Variants in GRIK2 observed in about 807,000 individuals in gnomAD.
The protein encoded by GRIK2 is glutamate ionotropic receptor kainate type subunit 2, also known as glutamate receptor ionotropic, kainate 2.
A neutral mutation model predicts 100.3 loss-of-function variants in GRIK2; 32 were observed. That is an observed-to-expected ratio of 0.32 (90% CI 0.24 to 0.43). The LOEUF (loss-of-function observed/expected upper bound fraction) is 0.43. Among genes scored for constraint, GRIK2 ranks in the 20% least tolerant of loss-of-function variants. GRIK2 has a pLI of 1.00. For missense variants in GRIK2, 843 were observed against 1,114.9 expected (o/e 0.76, Z 3.47); for synonymous variants, 417 against 389.4 (o/e 1.07, Z -0.83).
In GRIK2 at chr6:101,907,316, T is replaced by C. The variant is rs576865971; in HGVS notation, c.1749-17285T>C. Among the ~76,000 whole-genome samples the C allele has an allele frequency of 4.6e-5, 7 of 151,816 alleles. No individual in the cohort carries two copies. In the South Asian group the frequency reaches 1.5e-3, roughly 31 times the overall value. Reference sequence around the variant, plus strand: ...AGACATTTAGGGAAACTTAATTGTGTGATTAAAAACGATAAAAGTGCATAC... The same window carrying C: ...AGACATTTAGGGAAACTTAATTGTGCGATTAAAAACGATAAAAGTGCATAC... On this transcript the variant is annotated intron_variant, in intron 12 of 16. Coordinates refer to ENST00000369134, the MANE Select transcript of GRIK2 (RefSeq NM_021956.5).
At chr6:101,641,820 AC>A (rs535905590) in intron 4 of GRIK2, among the ~76,000 whole-genome samples, 346 of 152,070 alleles carry the variant, frequency 2.3e-3, no homozygotes, top group Middle Eastern at 0.01. Flanking sequence ...CTACTGGCAA[AC>A]CAGAGATAAA....
chr6:102,066,612 A>G (rs1772029384), intron 16 of GRIK2, among the ~76,000 whole-genome samples: 1 of 151,460 alleles, frequency 6.6e-6, no homozygotes, highest in African/African-American at 2.4e-5. Flanking sequence ...GTACCAGAAC[A>G]AGGAGAAACA....
intron 4 of GRIK2, among the ~76,000 whole-genome samples, chr6:101,645,241 C>G (rs1005394469): frequency 2.0e-5 from 3 of 151,296 alleles, no homozygotes; most frequent in Admixed American, 1.3e-4. Context: ...ACCTCTTAAA[C>G]TATAGTGTTA....
In GRIK2 at chr6:101,646,066, GACTTTTCTCTCCCCAGTAAGCTT is replaced by G. The variant is rs569340511; in HGVS notation, c.541+19452_541+19474del. On this transcript the variant is annotated intron_variant, in intron 4 of 16. Coordinates refer to ENST00000369134, the MANE Select transcript of GRIK2 (RefSeq NM_021956.5). ...CTGTGACTGCCCATTCTTCTCATAAGACTTTTCTCTCCCCAGTAAGCTTACTTTTCTCTCCCCAGTAAGCTGTT... is the reference window on the plus strand; with the variant it reads ...CTGTGACTGCCCATTCTTCTCATAAGACTTTTCTCTCCCCAGTAAGCTGTT... Among the ~76,000 whole-genome samples the G allele has an allele frequency of 1.4e-3, 218 of 151,882 alleles. 1 individual carries two copies. The highest frequency in any genetic ancestry group is 4.4e-3 in the African/African-American group (184 of 41,460).
intron 7 of GRIK2, among the ~76,000 whole-genome samples, chr6:101,719,645 A>C (rs1774335435): frequency 6.6e-6 from 1 of 151,908 alleles, no homozygotes; most frequent in South Asian, 2.1e-4. Context: ...TTTTATTTGG[A>C]ATTTTTGTGT....
intron 7 of GRIK2, among the ~76,000 whole-genome samples, chr6:101,696,348 A>G (rs1022349075): frequency 6.6e-6 from 1 of 152,018 alleles, no homozygotes; most frequent in Middle Eastern, 3.4e-3. Context: ...TTTAATATAA[A>G]TATATACCTC....
chr6:101,890,033 T>C (rs1786939800), intron 12 of GRIK2, 170 bp downstream of exon 12: 3 of 596,928 alleles, frequency 5.0e-6, no homozygotes, highest in Non-Finnish European at 8.9e-6. Flanking sequence ...TGTACTGTCC[T>C]GTCTTTGTGG....
At chr6:101,911,922 A>G (rs1438742519) in intron 12 of GRIK2, among the ~76,000 whole-genome samples, 1 of 151,486 alleles carries the variant, frequency 6.6e-6, no homozygotes, top group Non-Finnish European at 1.5e-5. Context: ...TGCTTAAGTA[A>G]TTACCCTTGT....
chr6:101,767,398 T>A (rs113178093), intron 7 of GRIK2, among the ~76,000 whole-genome samples: 4 of 152,140 alleles, frequency 2.6e-5, no homozygotes, highest in African/African-American at 9.7e-5. Context: ...ATGATCTCTC[T>A]TTCTTTCTTT....
chr6:101,885,761 T>G (rs192282567), intron 11 of GRIK2, among the ~76,000 whole-genome samples: 1 of 152,238 alleles, frequency 6.6e-6, no homozygotes. Context: ...AATTTATTTT[T>G]TAGTGAAATT....
chr6:101,914,324 T>C (rs942072333), intron 12 of GRIK2, among the ~76,000 whole-genome samples: 2 of 151,418 alleles, frequency 1.3e-5, no homozygotes, highest in African/African-American at 4.8e-5. Flanking sequence ...ATCAATTTGA[T>C]ATTGGTCATG....
At chr6:101,649,400 A>T (rs550410142) in intron 4 of GRIK2, among the ~76,000 whole-genome samples, 1 of 152,182 alleles carries the variant, frequency 6.6e-6, no homozygotes, top group Admixed American at 6.6e-5. Flanking sequence ...CTCAATCTTA[A>T]GTCCATGCTT....
At chr6:101,705,325 G>T (rs1773192569) in intron 7 of GRIK2, among the ~76,000 whole-genome samples, 1 of 150,276 alleles carries the variant, frequency 6.7e-6, no homozygotes, top group South Asian at 2.1e-4. Flanking sequence ...TAGCCTATTT[G>T]GTAGTTCCTT....
intron 2 of GRIK2, among the ~76,000 whole-genome samples, chr6:101,536,297 A>G (rs1484517056): frequency 6.6e-6 from 1 of 151,660 alleles, no homozygotes; most frequent in African/African-American, 2.4e-5. Context: ...TTAAACCAGA[A>G]AAAAAGTATG....
chr6:102,057,742 C>T (rs921325174), intron 16 of GRIK2, among the ~76,000 whole-genome samples: 1 of 151,810 alleles, frequency 6.6e-6, no homozygotes, highest in Non-Finnish European at 1.5e-5. Context: ...ATCTTTTGCT[C>T]CTCTCCAATT....
At chr6:101,794,959 G>A (rs748506050) in intron 7 of GRIK2, among the ~76,000 whole-genome samples, 27 of 150,794 alleles carry the variant, frequency 1.8e-4, no homozygotes, top group African/African-American at 5.4e-4. Flanking sequence ...TCTGCCTCCC[G>A]GGTTCAAGCC....
intron 2 of GRIK2, among the ~76,000 whole-genome samples, chr6:101,499,093 A>G (rs1773612372): frequency 6.6e-6 from 1 of 152,142 alleles, no homozygotes; most frequent in African/African-American, 2.4e-5. Flanking sequence ...CTGAAACTGG[A>G]TCCCTTCCTT....
At chr6:101,496,359 A>T (rs1582579273) in intron 2 of GRIK2, among the ~76,000 whole-genome samples, 1 of 152,140 alleles carries the variant, frequency 6.6e-6, no homozygotes, top group Non-Finnish European at 1.5e-5. Context: ...AATGGCTGTG[A>T]TTTACTTTGG....
intron 4 of GRIK2, among the ~76,000 whole-genome samples, chr6:101,655,286 T>C (rs1175677424): frequency 6.6e-6 from 1 of 152,172 alleles, no homozygotes; most frequent in African/African-American, 2.4e-5. Context: ...AGTAAGAATT[T>C]TTTGTAGAAA....
Sources: allele counts gnomAD v4.1 joint callset (sites outside exome capture counted in the v4.1 genomes callset), GRCh38; gene constraint gnomAD v4.1.1; transcripts MANE v1.5; gene names NCBI Gene and HGNC (gene_info 2026-07-23, HGNC 2026-07-21).